Variants in SLC24A3 observed in about 807,000 individuals in gnomAD.
SLC24A3 encodes sodium/potassium/calcium exchanger 3.
SLC24A3 carries 28 observed loss-of-function variants against 75.8 expected under a neutral mutation model. The ratio of observed to expected loss-of-function variants is 0.37; its 90% CI spans 0.27 to 0.51. The LOEUF (loss-of-function observed/expected upper bound fraction) is 0.51, where lower values mean the gene tolerates loss of function less well. Ranked by LOEUF, SLC24A3 falls within the 20% of genes least tolerant of loss-of-function variation. SLC24A3 has a pLI of 0.94. For synonymous variants in SLC24A3, 372 were observed against 334.1 expected (o/e 1.11, Z -1.24); for missense variants, 663 against 847.8 (o/e 0.78, Z 2.71).
At chr20:19,416,529 C>T (rs1439562479) in intron 2 of SLC24A3, among the ~76,000 whole-genome samples, 1 of 152,168 alleles carries the variant, frequency 6.6e-6, no homozygotes, top group African/African-American at 2.4e-5. Flanking sequence ...GACAAGGACA[C>T]CAGTGAGGAG....
Position 19,677,706 on chromosome 20 carries a change from TA to T in SLC24A3, c.767+4054del, listed in dbSNP as rs1276396598. On this transcript the variant is annotated intron_variant, in intron 9 of 16. Transcript: ENST00000328041. ...TTTTTCTTTTTTTTTTTTTTTTTTT[TA>T]ATTTTCATTTTTATTTTTATTGATC... 1.1e-3 allele frequency among the ~76,000 whole-genome samples: 148 copies of T among 134,586 alleles called. 1 individual carries two copies. Among genetic ancestry groups the T allele is most frequent in the African/African-American group, 3.7e-3 (128 of 34,574 alleles). 88.3% of individuals were successfully genotyped at this position (134,586 alleles called of 152,430 possible).
intron 2 of SLC24A3, among the ~76,000 whole-genome samples, chr20:19,289,352 C>A (rs1983886152): frequency 6.6e-6 from 1 of 152,194 alleles, no homozygotes; most frequent in African/African-American, 2.4e-5. Context: ...GTCTCCAGAC[C>A]ACATGTCTAG....
chr20:19,478,680 C>G (rs753016812), intron 2 of SLC24A3, among the ~76,000 whole-genome samples: 4 of 152,128 alleles, frequency 2.6e-5, no homozygotes, highest in Admixed American at 2.0e-4. Context: ...TGACCACACT[C>G]GAGAGCTTTT....
At chr20:19,699,203 C>G (rs1259900829) in intron 15 of SLC24A3, among the ~76,000 whole-genome samples, 1 of 152,248 alleles carries the variant, frequency 6.6e-6, no homozygotes, top group African/African-American at 2.4e-5. Flanking sequence ...TTGCCAACCC[C>G]TACTTTAGTG....
At chr20:19,230,827 T>C (rs1369713175) in intron 1 of SLC24A3, among the ~76,000 whole-genome samples, 2 of 152,174 alleles carry the variant, frequency 1.3e-5, no homozygotes, top group African/African-American at 4.8e-5. Context: ...TGCATCTCTG[T>C]ATTTCCTTCA....
chr20:19,589,262 A>T (rs2031339958), intron 6 of SLC24A3, among the ~76,000 whole-genome samples: 2 of 152,252 alleles, frequency 1.3e-5, no homozygotes, highest in Non-Finnish European at 2.9e-5. Context: ...CAGAGATCTA[A>T]TTCTTCTGTG....
intron 2 of SLC24A3, among the ~76,000 whole-genome samples, chr20:19,360,569 C>T (rs1482818269): frequency 2.0e-5 from 3 of 152,206 alleles, no homozygotes; most frequent in Non-Finnish European, 4.4e-5. Flanking sequence ...GCATCTGAAT[C>T]TATGGATACC....
At chr20:19,217,223 C>G (rs564214930) in intron 1 of SLC24A3, among the ~76,000 whole-genome samples, 1 of 152,292 alleles carries the variant, frequency 6.6e-6, no homozygotes, top group East Asian at 1.9e-4. Flanking sequence ...AGATGTCAGC[C>G]CACGTTGAAG....
intron 2 of SLC24A3, among the ~76,000 whole-genome samples, chr20:19,292,424 C>T (rs549408326): frequency 1.9e-3 from 295 of 152,224 alleles, no homozygotes; most frequent in Admixed American, 5.6e-3. Context: ...AAAACCCAGG[C>T]GGAAAGTAAA....
At chr20:19,603,137 A>G (rs1394918785) in intron 6 of SLC24A3, among the ~76,000 whole-genome samples, 1 of 152,190 alleles carries the variant, frequency 6.6e-6, no homozygotes, top group Non-Finnish European at 1.5e-5. Flanking sequence ...GGGATTTAGA[A>G]GTAAATGAAT....
chr20:19,289,509 T>C (rs1345865566), intron 2 of SLC24A3, among the ~76,000 whole-genome samples: 1 of 152,174 alleles, frequency 6.6e-6, no homozygotes, highest in Non-Finnish European at 1.5e-5. Context: ...CAGTGAGCAA[T>C]GCACTCAACT....
intron 6 of SLC24A3, among the ~76,000 whole-genome samples, chr20:19,638,021 T>A (rs2032022058): frequency 6.6e-6 from 1 of 152,158 alleles, no homozygotes; most frequent in Non-Finnish European, 1.5e-5. Flanking sequence ...TAAAGTGTGC[T>A]GTGGTGGTTT....
At chr20:19,475,582 G>A (rs1036951574) in intron 2 of SLC24A3, among the ~76,000 whole-genome samples, 1 of 152,042 alleles carries the variant, frequency 6.6e-6, no homozygotes, top group African/African-American at 2.4e-5. Flanking sequence ...CCAGTTACTG[G>A]ACATGACCAG....
chr20:19,255,957 G>A (rs536113302), intron 1 of SLC24A3, among the ~76,000 whole-genome samples: 1 of 152,042 alleles, frequency 6.6e-6, no homozygotes, highest in African/African-American at 2.4e-5. Flanking sequence ...GAATTAGCTG[G>A]GTATGGTGGC....
At chr20:19,692,604 G>A (rs972552701) in intron 12 of SLC24A3, among the ~76,000 whole-genome samples, 3 of 152,160 alleles carry the variant, frequency 2.0e-5, no homozygotes, top group African/African-American at 7.2e-5. Context: ...CTAGAAAGAG[G>A]CACAGCAAAC....
chr20:19,584,889 C>A (rs2031273055), intron 4 of SLC24A3, 82 bp from the exon 5 acceptor site: 2 of 1,311,634 alleles, frequency 1.5e-6, no homozygotes, highest in Non-Finnish European at 1.1e-6. Flanking sequence ...CTTCTCAGGG[C>A]TTGGACTCTC....
chr20:19,248,800 T>C (rs768990580), intron 1 of SLC24A3, among the ~76,000 whole-genome samples: 10 of 151,788 alleles, frequency 6.6e-5, no homozygotes, highest in South Asian at 2.1e-4. Context: ...ATATATACAA[T>C]GGAGTACTGT....
At chr20:19,370,285 C>T (rs1339880626) in intron 2 of SLC24A3, among the ~76,000 whole-genome samples, 1 of 152,160 alleles carries the variant, frequency 6.6e-6, no homozygotes, top group Non-Finnish European at 1.5e-5. Context: ...TAGCATTTCG[C>T]ATCATGTGGA....
intron 2 of SLC24A3, among the ~76,000 whole-genome samples, chr20:19,462,929 C>T (rs1987702352): frequency 6.6e-6 from 1 of 152,158 alleles, no homozygotes; most frequent in South Asian, 2.1e-4. Context: ...TTTCACAGGT[C>T]ATAGTTTGAG....
Sources: allele counts gnomAD v4.1 joint callset (sites outside exome capture counted in the v4.1 genomes callset), GRCh38; gene constraint gnomAD v4.1.1; transcripts MANE v1.5; gene names NCBI Gene and HGNC (gene_info 2026-07-23, HGNC 2026-07-21).